Variants in KCNIP4 observed in about 807,000 individuals in gnomAD.
The protein encoded by KCNIP4 is Kv channel-interacting protein 4.
Under a neutral mutation model 34.0 loss-of-function variants are expected in KCNIP4, and 12 were observed. That is an observed-to-expected ratio of 0.35 (90% CI 0.23 to 0.57). The LOEUF (loss-of-function observed/expected upper bound fraction) is 0.57, where lower values mean the gene tolerates loss of function less well. KCNIP4 is among the 20% of genes least tolerant of loss of function. KCNIP4 has a pLI of 0.83. For synonymous variants in KCNIP4, 124 were observed against 102.2 expected, an observed-to-expected ratio of 1.21 and a Z score of -1.29; for missense variants, 238 against 311.7, an observed-to-expected ratio of 0.76 and a Z score of 1.78.
At position 21,153,702 on chromosome 4, in the gene KCNIP4, C is replaced by T. The variant is rs1168717299; in HGVS notation, c.62-270993G>A. Among the ~76,000 whole-genome samples, 6 of 151,940 alleles carry T rather than the reference C, an allele frequency of 3.9e-5. No homozygotes were observed. In the South Asian group the frequency reaches 1.2e-3, roughly 32 times the overall value. On this transcript the variant is annotated intron_variant, in intron 1 of 8. Coordinates refer to ENST00000382152, the MANE Select transcript of KCNIP4 (RefSeq NM_025221.6). ...CTGGCTTCCTAGAACCTTTGGAATT[C>T]TGGGAAAACCCCAGATTCAAAAAGA...
At chr4:21,218,452 T>C (rs1022116246) in intron 1 of KCNIP4, among the ~76,000 whole-genome samples, 2 of 152,194 alleles carry the variant, frequency 1.3e-5, no homozygotes, top group African/African-American at 4.8e-5. Context: ...TTTTCATCAC[T>C]GTATTTATAG....
chr4:21,634,780 C>A (rs879789175), intron 1 of KCNIP4, among the ~76,000 whole-genome samples: 8 of 152,090 alleles, frequency 5.3e-5, no homozygotes, highest in Non-Finnish European at 7.4e-5. Flanking sequence ...GCTAAATTTA[C>A]AAAATGGTAA....
chr4:21,175,003 A>G (rs148929476), intron 1 of KCNIP4, among the ~76,000 whole-genome samples: 90 of 152,108 alleles, frequency 5.9e-4, no homozygotes, highest in African/African-American at 1.7e-3. Flanking sequence ...TTTACAGATA[A>G]GGACACTGCA....
intron 1 of KCNIP4, among the ~76,000 whole-genome samples, chr4:21,137,921 G>C (rs1227436939): frequency 1.5e-5 from 2 of 132,840 alleles, no homozygotes; most frequent in African/African-American, 6.0e-5. Context: ...ACCCAGGCTA[G>C]ACTGCAATGG....
intron 1 of KCNIP4, among the ~76,000 whole-genome samples, chr4:21,650,165 A>C (rs915118313): frequency 1.3e-5 from 2 of 152,204 alleles, no homozygotes; most frequent in African/African-American, 4.8e-5. Flanking sequence ...TCTGTACTTC[A>C]CCCAGCAAGA....
At chr4:21,321,518 G>A (rs1714413469) in intron 1 of KCNIP4, among the ~76,000 whole-genome samples, 2 of 151,966 alleles carry the variant, frequency 1.3e-5, no homozygotes, top group South Asian at 4.1e-4. Context: ...TAAATGGGTA[G>A]ACAATACGAA....
At position 21,730,716 on chromosome 4, in the gene KCNIP4, A is replaced by G. The variant is rs148416746; in HGVS notation, c.61+217855T>C. On this transcript the variant is annotated intron_variant, in intron 1 of 8. Coordinates refer to ENST00000382152, the MANE Select transcript of KCNIP4 (RefSeq NM_025221.6). ...TCTGCTAAGTGGAAATGTTATTTTG[A>G]TTCAGATTTACTCTGAAATGGGCAT... Among the ~76,000 whole-genome samples, 395 of 152,302 alleles carry G rather than the reference A, an allele frequency of 2.6e-3. 3 individuals are homozygous for G. Among genetic ancestry groups the G allele is most frequent in the South Asian group, 0.011 (54 of 4,822 alleles).
At chr4:20,909,776 T>A (rs1334332250) in intron 1 of KCNIP4, among the ~76,000 whole-genome samples, 1 of 152,198 alleles carries the variant, frequency 6.6e-6, no homozygotes, top group Non-Finnish European at 1.5e-5. Flanking sequence ...TTCATTTTTT[T>A]TCATGGATGG....
intron 1 of KCNIP4, among the ~76,000 whole-genome samples, chr4:21,533,907 A>T (rs976535024): frequency 6.6e-6 from 1 of 152,148 alleles, no homozygotes; most frequent in Non-Finnish European, 1.5e-5. Context: ...TAGATACAGG[A>T]TAGATGGTTC....
Position 20,754,104 on chromosome 4 carries a change from T to C in KCNIP4, c.359-4372A>G, listed in dbSNP as rs149276947. Among the ~76,000 whole-genome samples the C allele has an allele frequency of 2.3e-3, 356 of 152,310 alleles. 8 individuals are homozygous for C. The South Asian group carries it at 0.047, about 20-fold the overall frequency. On this transcript the variant is annotated intron_variant, in intron 4 of 8. Transcript: ENST00000382152. ...GTATGTGGAGTTTAAGAAGTTTTTGTGTAACCATATAGGCAATAGCACCAA... is the reference window on the plus strand; with the variant it reads ...GTATGTGGAGTTTAAGAAGTTTTTGCGTAACCATATAGGCAATAGCACCAA...
rs968957617 is a variant in KCNIP4, at chr4:21,782,262, A to G, written c.61+166309T>C. On this transcript the variant is annotated intron_variant, in intron 1 of 8. Transcript: ENST00000382152. ...GGAAAGTAAAAAGATAGAAATATAC[A>G]TGCCATACAAACAATGATCAAAAGA... Among the ~76,000 whole-genome samples, 3 of 152,214 alleles carry G rather than the reference A, an allele frequency of 2.0e-5. No homozygotes were observed. In the East Asian group the frequency reaches 5.8e-4, roughly 29 times the overall value.
At chr4:21,139,895 C>G (rs1416661066) in intron 1 of KCNIP4, among the ~76,000 whole-genome samples, 1 of 152,126 alleles carries the variant, frequency 6.6e-6, no homozygotes, top group African/African-American at 2.4e-5. Context: ...TTAATTTACT[C>G]TCCCTCAGCC....
chr4:21,245,257 G>C (rs1378366352), intron 1 of KCNIP4, among the ~76,000 whole-genome samples: 2 of 152,180 alleles, frequency 1.3e-5, no homozygotes, highest in African/African-American at 2.4e-5. Context: ...GACATAAACT[G>C]TTTCTCTGTA....
intron 5 of KCNIP4, among the ~76,000 whole-genome samples, chr4:20,744,571 A>C (rs922579614): frequency 6.6e-6 from 1 of 151,934 alleles, no homozygotes; most frequent in Non-Finnish European, 1.5e-5. Flanking sequence ...GAAAAATGAG[A>C]ACACTTGGAC....
At chr4:21,792,012 A>AC (rs1720320094) in intron 1 of KCNIP4, among the ~76,000 whole-genome samples, 1 of 148,914 alleles carries the variant, frequency 6.7e-6, no homozygotes, top group African/African-American at 2.5e-5. Context: ...AAAAAAAAAA[A>AC]AAAAAAAAAA....
Position 21,069,973 on chromosome 4 carries a change from C to G in KCNIP4, c.62-187264G>C, listed in dbSNP as rs566947681. Among the ~76,000 whole-genome samples, 4 of 152,260 alleles carry G rather than the reference C, an allele frequency of 2.6e-5. No individual in the cohort carries two copies. In the South Asian group the frequency reaches 8.3e-4, roughly 32 times the overall value. ...ACCACAAAGATCTCTCCCACACTTT[C>G]CTTTTACAATCACGTACCCAAACCC... is the stretch of plus-strand genomic sequence containing the variant. On this transcript the variant is annotated intron_variant, in intron 1 of 8. Transcript: ENST00000382152.
chr4:21,497,112 A>C (rs1732913503), intron 1 of KCNIP4, among the ~76,000 whole-genome samples: 1 of 152,192 alleles, frequency 6.6e-6, no homozygotes, highest in Admixed American at 6.5e-5. Context: ...CCCTGGCTGA[A>C]GTTTTCTCAT....
chr4:21,656,210 C>T (rs1173354621), intron 1 of KCNIP4, among the ~76,000 whole-genome samples: 1 of 152,150 alleles, frequency 6.6e-6, no homozygotes, highest in South Asian at 2.1e-4. Context: ...CTTGCCAAAG[C>T]AACACCCCAT....
chr4:21,360,874 C>T (rs1266986237), intron 1 of KCNIP4, among the ~76,000 whole-genome samples: 2 of 152,158 alleles, frequency 1.3e-5, no homozygotes, highest in East Asian at 3.9e-4. Context: ...AAGTAAGAGG[C>T]CAGGTGTCAA....
Sources: allele counts gnomAD v4.1 joint callset (sites outside exome capture counted in the v4.1 genomes callset), GRCh38; gene constraint gnomAD v4.1.1; transcripts MANE v1.5; gene names NCBI Gene and HGNC (gene_info 2026-07-23, HGNC 2026-07-21).